MAGI2: variants seen among roughly 807,000 people sequenced by gnomAD.
MAGI2 encodes the protein membrane associated guanylate kinase, WW and PDZ domain containing 2.
MAGI2 carries 35 observed loss-of-function variants against 133.3 expected under a neutral mutation model. The ratio of observed to expected loss-of-function variants is 0.26; its 90% CI spans 0.20 to 0.35. MAGI2 has a LOEUF of 0.35. Ranked by LOEUF, MAGI2 falls within the 10% of genes least tolerant of loss-of-function variation. MAGI2 has a pLI of 1.00. For synonymous variants in MAGI2, 729 were observed against 710.6 expected (o/e 1.03, Z -0.41); for missense variants, 1,636 against 1,863.4 (o/e 0.88, Z 2.25).
At chr7:79,267,045 G>A (rs1834515982) in intron 1 of MAGI2, among the ~76,000 whole-genome samples, 2 of 152,084 alleles carry the variant, frequency 1.3e-5, no homozygotes, top group African/African-American at 2.4e-5. Context: ...GAGGACCCTG[G>A]AGAGAGTCAC....
chr7:79,064,588 C>T (rs1022458171), intron 1 of MAGI2, among the ~76,000 whole-genome samples: 1 of 152,092 alleles, frequency 6.6e-6, no homozygotes, highest in East Asian at 1.9e-4. Flanking sequence ...CACATAGAAC[C>T]CTACAAGTCT....
chr7:78,719,051 C>A (rs1035519530), intron 2 of MAGI2, among the ~76,000 whole-genome samples: 2 of 152,152 alleles, frequency 1.3e-5, no homozygotes, highest in African/African-American at 4.8e-5. Context: ...AATGTTGCAT[C>A]CTTATGTCTG....
At chr7:78,922,418 C>T (rs1425379487) in intron 2 of MAGI2, among the ~76,000 whole-genome samples, 1 of 151,698 alleles carries the variant, frequency 6.6e-6, no homozygotes, top group Non-Finnish European at 1.5e-5. Context: ...GTTCAATTCC[C>T]ACCTATGAGT....
chr7:79,140,676 A>G (rs1822043865), intron 1 of MAGI2, among the ~76,000 whole-genome samples: 1 of 152,182 alleles, frequency 6.6e-6, no homozygotes, highest in South Asian at 2.1e-4. Flanking sequence ...ATTATGAACC[A>G]TAATCAATAT....
At chr7:79,055,112 T>G (rs1813029108) in intron 1 of MAGI2, among the ~76,000 whole-genome samples, 1 of 152,178 alleles carries the variant, frequency 6.6e-6, no homozygotes, top group Non-Finnish European at 1.5e-5. Flanking sequence ...TGTCCTATCT[T>G]TATGCTCCAG....
chr7:78,372,005 G>A (rs1038929613), intron 6 of MAGI2, among the ~76,000 whole-genome samples: 11 of 151,976 alleles, frequency 7.2e-5, no homozygotes, highest in Non-Finnish European at 1.6e-4. Context: ...GCAGATACAC[G>A]CATTGCTTCA....
At chr7:78,182,726 C>T (rs948745387) in intron 13 of MAGI2, among the ~76,000 whole-genome samples, 8 of 152,208 alleles carry the variant, frequency 5.3e-5, no homozygotes, top group Admixed American at 2.6e-4. Context: ...TATTTGATAT[C>T]GTTGATGCAC....
At position 78,042,856 on chromosome 7, in the gene MAGI2, C is replaced by T. The variant is rs1306718667; in HGVS notation, c.3707-22880G>A. 2.0e-5 allele frequency among the ~76,000 whole-genome samples: 3 copies of T among 152,272 alleles called. No homozygotes were observed. The East Asian group carries it at 5.8e-4, about 29-fold the overall frequency. ...CAGAGCTGGGGACATCTGGGGATGC[C>T]AAATGCAGCTGACTGATACAATTGC... is the stretch of plus-strand genomic sequence containing the variant. On this transcript the variant is annotated intron_variant, in intron 21 of 21. Transcript: ENST00000354212.
chr7:78,973,135 C>A (rs1465107242), intron 2 of MAGI2, among the ~76,000 whole-genome samples: 1 of 151,932 alleles, frequency 6.6e-6, no homozygotes, highest in African/African-American at 2.4e-5. Context: ...CCCCAGGATA[C>A]AATTATGCTC....
chr7:79,174,736 T>C (rs1014832556), intron 1 of MAGI2, among the ~76,000 whole-genome samples: 2 of 151,746 alleles, frequency 1.3e-5, no homozygotes, highest in Non-Finnish European at 2.9e-5. Context: ...ACTCATTCTC[T>C]AGGTAGACAT....
chr7:79,344,417 G>A (rs1039019420), intron 1 of MAGI2, among the ~76,000 whole-genome samples: 1 of 152,090 alleles, frequency 6.6e-6, no homozygotes, highest in Non-Finnish European at 1.5e-5. Context: ...CTACATAAAT[G>A]AGCAATTGCT....
At chr7:78,369,566 A>G (rs1793718478) in intron 6 of MAGI2, among the ~76,000 whole-genome samples, 1 of 152,050 alleles carries the variant, frequency 6.6e-6, no homozygotes, top group African/African-American at 2.4e-5. Context: ...TTGTATTGCT[A>G]AAGGAGGATT....
chr7:78,545,760 C>T (rs1427443207), intron 3 of MAGI2, among the ~76,000 whole-genome samples: 4 of 152,132 alleles, frequency 2.6e-5, no homozygotes, highest in Admixed American at 6.5e-5. Flanking sequence ...ATATTTCATA[C>T]ATTACATTAA....
At chr7:79,198,266 A>AACAAC (rs4020772) in intron 1 of MAGI2, among the ~76,000 whole-genome samples, 13 of 151,218 alleles carry the variant, frequency 8.6e-5, no homozygotes, top group African/African-American at 3.2e-4. Context: ...ACAAACAAAC[A>AACAAC]AACAACAACA....
chr7:78,472,697 A>G (rs1229940845), intron 6 of MAGI2, among the ~76,000 whole-genome samples: 1 of 152,124 alleles, frequency 6.6e-6, no homozygotes, highest in Non-Finnish European at 1.5e-5. Flanking sequence ...ATGTTGGGAG[A>G]GCACTCAAGC....
intron 2 of MAGI2, among the ~76,000 whole-genome samples, chr7:78,657,383 G>C (rs1352970371): frequency 6.6e-6 from 1 of 152,184 alleles, no homozygotes; most frequent in Non-Finnish European, 1.5e-5. Flanking sequence ...GATGTTTGTA[G>C]AATCTTTATT....
intron 1 of MAGI2, among the ~76,000 whole-genome samples, chr7:79,203,468 A>G (rs1435183108): frequency 2.0e-5 from 3 of 152,054 alleles, no homozygotes. Flanking sequence ...GCCAACAAAT[A>G]ACTCAGTTCT....
intron 3 of MAGI2, among the ~76,000 whole-genome samples, chr7:78,595,974 A>G (rs1328266194): frequency 6.6e-6 from 1 of 152,218 alleles, no homozygotes; most frequent in Non-Finnish European, 1.5e-5. Context: ...AGATCAAAAG[A>G]AATATGCATG....
chr7:78,640,765 G>A (rs1810207652), intron 2 of MAGI2, among the ~76,000 whole-genome samples: 1 of 152,242 alleles, frequency 6.6e-6, no homozygotes. Flanking sequence ...CTGCCTAAAA[G>A]AAGGGGCAGA....
Sources: gnomAD v4.1 joint callset for allele counts (sites outside exome capture counted in the v4.1 genomes callset) on GRCh38, gnomAD v4.1.1 for gene constraint, MANE v1.5 for transcripts, NCBI Gene and HGNC (gene_info 2026-07-23, HGNC 2026-07-21) for gene names.